Variants in KLF16 observed in about 807,000 individuals in gnomAD.
The protein encoded by KLF16 is KLF transcription factor 16.
A neutral mutation model predicts 6.1 loss-of-function variants in KLF16; 6 were observed. That is an observed-to-expected ratio of 0.98 (90% confidence interval 0.54 to 1.93). The LOEUF (loss-of-function observed/expected upper bound fraction) is 1.93. KLF16 is among the 30% of genes most tolerant of loss of function. The pLI, the probability that KLF16 is intolerant of heterozygous loss-of-function variation, is 0.01. For synonymous variants in KLF16, 211 were observed against 176.5 expected (o/e 1.20, Z -1.55); for missense variants, 355 against 363.8 (o/e 0.98, Z 0.20).
chr19:1,865,210 C>G (rs2012168252), upstream of KLF16, among the ~76,000 whole-genome samples: 1 of 152,334 alleles, frequency 6.6e-6, no homozygotes, highest in South Asian at 2.1e-4. Flanking sequence ...ACAGGGTGCC[C>G]TGCACACACT....
At chr19:1,863,782 GCGCGCGGC>G (rs1446382900), upstream of KLF16, among the ~76,000 whole-genome samples, 1 of 137,040 alleles carries the variant, frequency 7.3e-6, no homozygotes, top group African/African-American at 2.7e-5. Flanking sequence ...TCTCCGAGCC[GCGCGCGGC>G]CGCCGGGGGC....
At chr19:1,868,972 G>C in the KLF16 span, among the ~76,000 whole-genome samples, 1 of 152,104 alleles carries the variant, frequency 6.6e-6, no homozygotes, top group Non-Finnish European at 1.5e-5. Flanking sequence ...GAACACTTGA[G>C]CAGGCCTCCT....
intron 1 of KLF16, among the ~76,000 whole-genome samples, chr19:1,856,534 G>A (rs1266138354): frequency 6.6e-6 from 1 of 152,170 alleles, no homozygotes; most frequent in African/African-American, 2.4e-5. Flanking sequence ...GGGGCTGCCT[G>A]CTCCACACCC....
At chr19:1,862,184 C>A (rs1369059486) in intron 1 of KLF16, among the ~76,000 whole-genome samples, 1 of 151,590 alleles carries the variant, frequency 6.6e-6, no homozygotes, top group Non-Finnish European at 1.5e-5. Flanking sequence ...TTGCCCAGTC[C>A]AAACTCCCAG....
At chr19:1,874,023 G>A in the KLF16 span, among the ~76,000 whole-genome samples, 3 of 152,324 alleles carry the variant, frequency 2.0e-5, no homozygotes, top group African/African-American at 4.8e-5. Flanking sequence ...AGGGAGGGGC[G>A]GCCCCAAATA....
At chr19:1,874,361 T>C in the KLF16 span, among the ~76,000 whole-genome samples, 2 of 152,078 alleles carry the variant, frequency 1.3e-5, no homozygotes, top group African/African-American at 2.4e-5. Context: ...AAGACAGCAC[T>C]TCAGTGGGGA....
chr19:1,866,711 G>T (rs2012193717), upstream of KLF16, among the ~76,000 whole-genome samples: 1 of 150,590 alleles, frequency 6.6e-6, no homozygotes, highest in South Asian at 2.1e-4. Context: ...AGGAGGTCAA[G>T]GCTGCAGTGA....
At position 1,854,673 on chromosome 19, in the gene KLF16, G is replaced by A. The variant is rs891655829; in HGVS notation, c.545C>T (p.Thr182Met). Residue 182 changes from threonine to methionine, a missense_variant, in exon 2 of 2, where the codon ACG (threonine) becomes ATG (methionine). Transcript: ENST00000250916. ...AGGGCAGGAGAAGCGCTTCTCGCCC[G>A]TGTGCGTCCGGTGGTGGCGGGCCAG... is the stretch of plus-strand genomic sequence containing the variant. ...DELARHHRTH[T>M]GEKRFSCPLC... 6 of 1,600,342 alleles carry A rather than the reference G, an allele frequency of 3.7e-6. No homozygotes were observed. The highest frequency in any genetic ancestry group is 2.2e-5 in the East Asian group (1 of 44,848).
chr19:1,864,357 G>T (rs558966646), upstream of KLF16, among the ~76,000 whole-genome samples: 5 of 152,290 alleles, frequency 3.3e-5, no homozygotes, highest in South Asian at 1.0e-3. Flanking sequence ...CTTCTCTGGG[G>T]TTCCCCCTCG....
Position 1,863,483 on chromosome 19 carries a change from C to A in KLF16, c.15G>T (p.Val5=). The A allele has an allele frequency of 9.7e-7, 1 of 1,030,330 alleles. No individual in the cohort carries two copies. Among genetic ancestry groups the A allele is most frequent in the South Asian group, 3.0e-5 (1 of 33,032 alleles). 63.8% of individuals were successfully genotyped at this position (1,030,330 alleles called of 1,614,324 possible). The change falls in exon 1 of 2, where the codon GTG becomes GTT. Residue 5 remains valine, a synonymous_variant. Coordinates refer to ENST00000250916, the MANE Select transcript of KLF16 (RefSeq NM_031918.4). The part of the protein sequence containing the change: MSAA[V]ACVDYFAADV... ...CGGCGGCGAAGTAATCCACGCACGC[C>A]ACGGCCGCCGACATGCCGAGCAAGG...
Position 1,863,430 on chromosome 19 carries a change from G to T in KLF16, c.68C>A (p.Ala23Asp). 1 of 1,038,486 alleles carries T rather than the reference G, an allele frequency of 9.6e-7. No homozygotes were observed. Among genetic ancestry groups the T allele is most frequent in the Non-Finnish European group, 1.2e-6 (1 of 862,102 alleles). The allele number at this position is 1,038,486 out of a possible 1,614,324, so 64.3% of individuals were successfully genotyped here. ...GCCGGGCCGCCCGCGGTGCACCACG[G>T]CGCCCGAAGAGATGGCCATGAGCAC... Reference protein sequence around the residue: ...ADVLMAISSGAVVHRGRPGPE... With the variant: ...ADVLMAISSGDVVHRGRPGPE... Residue 23 changes from alanine to aspartate, a missense_variant, in exon 1 of 2, where the codon GCC becomes GAC. Ala to Asp is a moderately radical substitution (Grantham distance 126, BLOSUM62 -2). Coordinates refer to ENST00000250916, the MANE Select transcript of KLF16 (RefSeq NM_031918.4).
the KLF16 span, among the ~76,000 whole-genome samples, chr19:1,870,428 T>C: frequency 6.6e-6 from 1 of 152,026 alleles, no homozygotes; most frequent in African/African-American, 2.4e-5. Flanking sequence ...TCCCAGCACT[T>C]TGGAAGGCCA....
chr19:1,866,152 G>GA (rs774111501), upstream of KLF16, among the ~76,000 whole-genome samples: 1 of 150,594 alleles, frequency 6.6e-6, no homozygotes, highest in Non-Finnish European at 1.5e-5. Flanking sequence ...AAAAATACAA[G>GA]AAAAAATTAG....
chr19:1,856,963 G>GGGGGGGGGGGC lies in KLF16; in HGVS notation c.458-2204_458-2203insGCCCCCCCCCC, dbSNP rs1466347651. Among the ~76,000 whole-genome samples the GGGGGGGGGGGC allele has an allele frequency of 5.1e-5, 6 of 117,464 alleles. 1 individual carries two copies. The highest frequency in any genetic ancestry group is 1.8e-4 in the African/African-American group (4 of 22,584). 77.1% of individuals were successfully genotyped at this position (117,464 alleles called of 152,430 possible). ...GGAGCAGGTTGCCGGGGTGGGGGGG[G>GGGGGGGGGGGC]CGACCGGGGCAGGGGCGCGCAGCCG... On this transcript the variant is annotated intron_variant, in intron 1 of 1. Transcript: ENST00000250916.
intron 1 of KLF16, 55 bp downstream of exon 1, chr19:1,862,986 G>C (rs894431602): frequency 4.4e-6 from 5 of 1,127,050 alleles, no homozygotes; most frequent in Non-Finnish European, 4.5e-6. Context: ...GTCCTGGCGG[G>C]GGAGGGGTCT....
the KLF16 span, chr19:1,876,313 G>T: frequency 6.6e-6 from 1 of 152,460 alleles, no homozygotes; most frequent in African/African-American, 2.4e-5. Context: ...TGGGATCCCG[G>T]CCTCGCCACC....
upstream of KLF16, among the ~76,000 whole-genome samples, chr19:1,864,145 C>G (rs2012140909): frequency 6.6e-6 from 1 of 150,476 alleles, no homozygotes; most frequent in South Asian, 2.1e-4. Context: ...GGCGGGAGCC[C>G]GCCCCCTCCC....
In KLF16 at chr19:1,854,774, CAG is replaced by C. The variant is rs779412019; in HGVS notation, c.458-16_458-15del. ...AAGGGCGTTCCCCTGGACGGAGAGA[CAG>C]AGACAGACAGCGGGTCAGCGGGGGC... On this transcript the variant is annotated splice_polypyrimidine_tract_variant and intron_variant, in intron 1 of 1. Coordinates refer to ENST00000250916, the MANE Select transcript of KLF16 (RefSeq NM_031918.4). 1 of 1,596,666 alleles carries C rather than the reference CAG, an allele frequency of 6.3e-7. No homozygotes were observed. The highest frequency in any genetic ancestry group is 8.5e-7 in the Non-Finnish European group (1 of 1,179,030).
rs568333410 is a variant in KLF16 at position 1,856,445 on chromosome 19, C to G, written c.458-1685G>C. Among the ~76,000 whole-genome samples the G allele has an allele frequency of 1.2e-4, 18 of 152,310 alleles. No individual in the cohort carries two copies. The South Asian group carries it at 3.1e-3, about 26-fold the overall frequency. ...AGACAGAGACCAGCAGCCCCCCTCCCCAAGAGGTTGTGAATCCAGGCAGCT... is the reference window on the plus strand; with the variant it reads ...AGACAGAGACCAGCAGCCCCCCTCCGCAAGAGGTTGTGAATCCAGGCAGCT... On this transcript the variant is annotated intron_variant, in intron 1 of 1. Coordinates refer to ENST00000250916, the MANE Select transcript of KLF16 (RefSeq NM_031918.4).
Sources: allele counts gnomAD v4.1 joint callset (sites outside exome capture counted in the v4.1 genomes callset), GRCh38; gene constraint gnomAD v4.1.1; transcripts MANE v1.5; gene names NCBI Gene and HGNC (gene_info 2026-07-23, HGNC 2026-07-21).